PROM1: variants seen among roughly 807,000 people sequenced by gnomAD.
The protein encoded by PROM1 is prominin-1.
PROM1 carries 105 observed loss-of-function variants against 116.9 expected under a neutral mutation model. That is an observed-to-expected ratio of 0.90 (90% CI 0.77 to 1.06). PROM1 has a LOEUF of 1.06. Ranked by LOEUF, PROM1 falls within the 50% of genes least tolerant of loss-of-function variation. The pLI is 0.00. For missense variants in PROM1, 1,122 were observed against 1,045.2 expected (o/e 1.07, Z -1.01); for synonymous variants, 393 against 387.0 (o/e 1.02, Z -0.18).
At chr4:16,057,195 G>T (rs1739253359) in intron 2 of PROM1, among the ~76,000 whole-genome samples, 1 of 152,138 alleles carries the variant, frequency 6.6e-6, no homozygotes, top group Admixed American at 6.6e-5. Context: ...CACAGATCTG[G>T]CACATAAAAC....
intron 8 of PROM1, among the ~76,000 whole-genome samples, chr4:16,022,779 A>G (rs924122709): frequency 5.3e-5 from 8 of 152,188 alleles, no homozygotes; most frequent in Non-Finnish European, 1.2e-4. Flanking sequence ...CACTTATACC[A>G]TTGACCATGG....
Position 16,009,066 on chromosome 4 carries a change from T to G in PROM1, c.1184A>C (p.Asn395Thr). Reference sequence around the variant, plus strand: ...CTGAATAGGAAGACGCTGAGTTACATTGTCGATATCTGAACCAATGGAATT... The same window carrying G: ...CTGAATAGGAAGACGCTGAGTTACAGTGTCGATATCTGAACCAATGGAATT... ...VLNSIGSDID[N>T]VTQRLPIQDI... The change falls in exon 12 of 28, where the codon AAT becomes ACT. Residue 395 changes from asparagine to threonine, a missense_variant. Coordinates refer to ENST00000447510, the MANE Select transcript of PROM1 (RefSeq NM_006017.3). 6.2e-7 allele frequency: 1 copy of G among 1,612,100 alleles called. No individual in the cohort carries two copies. Among genetic ancestry groups the G allele is most frequent in the Non-Finnish European group, 8.5e-7 (1 of 1,178,336 alleles).
At chr4:15,999,927 T>C (rs1723330064) in intron 14 of PROM1, among the ~76,000 whole-genome samples, 1 of 152,024 alleles carries the variant, frequency 6.6e-6, no homozygotes, top group Admixed American at 6.5e-5. Flanking sequence ...AAAGCAAAAC[T>C]GCCAACTGGT....
At chr4:16,004,963 CTTT>C (rs144360637) in intron 13 of PROM1, among the ~76,000 whole-genome samples, 3 of 83,150 alleles carry the variant, frequency 3.6e-5, no homozygotes, top group East Asian at 3.3e-4. Context: ...CTCGCTCTCT[CTTT>C]TTTTTTTTTT....
chr4:16,059,757 T>A (rs28496015), intron 2 of PROM1, among the ~76,000 whole-genome samples: 4,530 of 152,216 alleles, frequency 0.03, 218 homozygotes, highest in African/African-American at 0.1. Context: ...TTACCCCATA[T>A]ATATACTTGC....
chr4:16,023,254 G>T, intron 8 of PROM1, 72 bp downstream of exon 8: 1 of 1,328,150 alleles, frequency 7.5e-7, no homozygotes, highest in South Asian at 1.3e-5. Context: ...AACAAGAAAA[G>T]AGTGAGCAAG....
chr4:16,040,195 C>T (rs1031702097), intron 2 of PROM1, among the ~76,000 whole-genome samples: 2 of 152,162 alleles, frequency 1.3e-5, no homozygotes, highest in African/African-American at 4.8e-5. Context: ...AGCCACTTTC[C>T]CACAAGGCTT....
In PROM1 at chr4:16,006,548, A is replaced by T; in HGVS notation, c.1444T>A (p.Phe482Ile). 5.0e-6 allele frequency: 8 copies of T among 1,592,034 alleles called. No homozygotes were observed. The highest frequency in any genetic ancestry group is 6.8e-6 in the Non-Finnish European group (8 of 1,169,784). Residue 482 changes from phenylalanine (F) to isoleucine (I), a missense_variant, in exon 13 of 28, where the codon TTC becomes ATC. Coordinates refer to ENST00000447510, the MANE Select transcript of PROM1 (RefSeq NM_006017.3). ...GGAGCAGACACTCACACCATGAGGA[A>T]GACGCCTCCGGTGTTGGAGACACAG... ...RGCVSNTGGV[F>I]LMVGVGLSFL...
At position 15,984,634 on chromosome 4, in the gene PROM1, C is replaced by A. The variant is rs1466051997; in HGVS notation, c.2281-279G>T. The stretch of plus-strand genomic sequence containing the variant: ...CATCTCTTATGTTACTGCCTGAGCT[C>A]CACCTCCTGTCAGAGCAGCAGCAGC... On this transcript the variant is annotated intron_variant, in intron 22 of 27. Transcript: ENST00000447510. 2.0e-5 allele frequency among the ~76,000 whole-genome samples: 3 copies of A among 152,250 alleles called. 1 individual carries two copies. In the East Asian group the frequency reaches 5.8e-4, roughly 29 times the overall value.
intron 2 of PROM1, among the ~76,000 whole-genome samples, chr4:16,055,654 G>A (rs1180104055): frequency 6.6e-6 from 1 of 152,124 alleles, no homozygotes; most frequent in Non-Finnish European, 1.5e-5. Flanking sequence ...GCATTTCACA[G>A]ACAAACCCCT....
intron 5 of PROM1, among the ~76,000 whole-genome samples, chr4:16,027,071 C>A (rs561742825): frequency 3.9e-5 from 6 of 152,224 alleles, no homozygotes; most frequent in South Asian, 2.1e-4. Context: ...TGGATGTACA[C>A]GTTCTCTAAG....
At position 15,984,680 on chromosome 4, in the gene PROM1, T is replaced by C. The variant is rs1718878941; in HGVS notation, c.2281-325A>G. On this transcript the variant is annotated intron_variant, in intron 22 of 27. Transcript: ENST00000447510. Reference sequence around the variant, plus strand: ...GCAGCATTAGATTCTCATAGGAGCATGAACCCTATTGTGGAACTGCACATG... The same window carrying C: ...GCAGCATTAGATTCTCATAGGAGCACGAACCCTATTGTGGAACTGCACATG... 2.0e-5 allele frequency among the ~76,000 whole-genome samples: 3 copies of C among 152,200 alleles called. No individual in the cohort carries two copies. In the South Asian group the frequency reaches 6.2e-4, roughly 32 times the overall value.
At chr4:16,008,063 A>C (rs979895337) in intron 12 of PROM1, among the ~76,000 whole-genome samples, 2 of 152,202 alleles carry the variant, frequency 1.3e-5, no homozygotes, top group Non-Finnish European at 2.9e-5. Flanking sequence ...AATGTGCAGA[A>C]AGTGCTTGGT....
chr4:15,984,490 T>C (rs7659341), intron 22 of PROM1, 135 bp from the exon 23 acceptor site: 565,519 of 565,802 alleles, frequency 1, 282,618 homozygotes, highest in South Asian at 1. Context: ...CCCCAACTCC[T>C]GGGTCACAGA....
chr4:15,987,487 A>G (rs897146198), intron 20 of PROM1, among the ~76,000 whole-genome samples, 176 bp downstream of exon 20: 3 of 152,212 alleles, frequency 2.0e-5, no homozygotes, highest in African/African-American at 7.2e-5. Flanking sequence ...GTCTGCACTT[A>G]GAGAAGTACT....
At chr4:16,041,794 A>G (rs1735358096) in intron 2 of PROM1, among the ~76,000 whole-genome samples, 1 of 135,604 alleles carries the variant, frequency 7.4e-6, no homozygotes, top group Admixed American at 7.0e-5. Context: ...AAATATATAT[A>G]TATATATATA....
intron 16 of PROM1, 59 bp from the exon 17 acceptor site, chr4:15,992,450 A>C: frequency 2.6e-6 from 4 of 1,564,576 alleles, no homozygotes; most frequent in Non-Finnish European, 3.5e-6. Context: ...CACAAACCAA[A>C]TGCTTTAAAA....
chr4:16,083,156 G>C (rs1435276657), intron 1 of PROM1: 2 of 152,682 alleles, frequency 1.3e-5, no homozygotes, highest in Non-Finnish European at 2.9e-5. Flanking sequence ...GGGAAGCTCA[G>C]CGCCTCACGT....
At chr4:16,064,164 T>C (rs1280966311) in intron 2 of PROM1, among the ~76,000 whole-genome samples, 2 of 151,992 alleles carry the variant, frequency 1.3e-5, no homozygotes, top group African/African-American at 4.8e-5. Context: ...CTAAAACACA[T>C]AGGAAAAATC....
Sources: allele counts gnomAD v4.1 joint callset (sites outside exome capture counted in the v4.1 genomes callset), GRCh38; gene constraint gnomAD v4.1.1; transcripts MANE v1.5; gene names NCBI Gene and HGNC (gene_info 2026-07-23, HGNC 2026-07-21).